The following CD200 variants were observed in gnomAD, a reference collection of about 807,000 sequenced individuals.
CD200 encodes the protein OX-2 membrane glycoprotein.
In CD200, 15 loss-of-function variants were observed where a neutral mutation model predicts 30.9. The observed-to-expected ratio is 0.49, with a 90% CI of 0.32 to 0.75. The LOEUF (loss-of-function observed/expected upper bound fraction) is 0.75, where lower values mean the gene tolerates loss of function less well. Among genes scored for constraint, CD200 ranks in the 30% least tolerant of loss-of-function variants. The pLI is 0.03. For missense variants in CD200, 262 were observed against 324.2 expected, an observed-to-expected ratio of 0.81 and a Z score of 1.47; for synonymous variants, 134 against 126.2, an observed-to-expected ratio of 1.06 and a Z score of -0.41.
chr3:112,333,266 C>T (rs751502070), intron 1 of CD200, 42 bp downstream of exon 1: 11 of 1,540,194 alleles, frequency 7.1e-6, no homozygotes, highest in African/African-American at 4.1e-5. Flanking sequence ...GCAGGGCAGG[C>T]GATGTTGAGC....
At chr3:112,358,697 C>T (rs2081676819) in intron 5 of CD200, among the ~76,000 whole-genome samples, 1 of 152,046 alleles carries the variant, frequency 6.6e-6, no homozygotes, top group Non-Finnish European at 1.5e-5. Flanking sequence ...AGATCCAAAG[C>T]TGCCCTAGGT....
intron 5 of CD200, chr3:112,350,105 A>T: frequency 3.1e-6 from 1 of 326,606 alleles, no homozygotes; most frequent in Non-Finnish European, 4.4e-6. Context: ...CACCCACACA[A>T]GGCCCTTTCC....
chr3:112,355,136 G>C (rs2081602067), intron 5 of CD200, among the ~76,000 whole-genome samples: 1 of 152,166 alleles, frequency 6.6e-6, no homozygotes, highest in Non-Finnish European at 1.5e-5. Context: ...AATGCTAAGA[G>C]GGTGTGGGAG....
chr3:112,351,886 C>T (rs915983137), intron 5 of CD200, among the ~76,000 whole-genome samples: 5 of 152,024 alleles, frequency 3.3e-5, no homozygotes, highest in South Asian at 4.1e-4. Flanking sequence ...GATCAGATGG[C>T]GAGACAGGAA....
chr3:112,347,629 C>T lies in CD200; in HGVS notation c.493C>T (p.Arg165Cys), dbSNP rs36015707. ...HLNITCSATA[R>C]PAPMVFWKVP... ...AAATATCACTTGCTCTGCCACTGCCCGCCCAGCCCCCATGGTCTTCTGGAA... is the reference window on the plus strand; with the variant it reads ...AAATATCACTTGCTCTGCCACTGCCTGCCCAGCCCCCATGGTCTTCTGGAA... The change falls in exon 4 of 6, where the codon CGC becomes TGC. Residue 165 changes from arginine to cysteine, a missense_variant. Transcript: ENST00000315711. 1.9e-6 allele frequency: 3 copies of T among 1,613,992 alleles called. No individual in the cohort carries two copies. The highest frequency in any genetic ancestry group is 1.6e-4 in the Middle Eastern group (1 of 6,062).
chr3:112,338,704 A>T (rs377616710), intron 1 of CD200, among the ~76,000 whole-genome samples: 1 of 152,234 alleles, frequency 6.6e-6, no homozygotes, highest in African/African-American at 2.4e-5. Context: ...TGAATTTAAC[A>T]TTGTTGCAGG....
At position 112,345,291 on chromosome 3, in the gene CD200, G is replaced by T. The variant is rs1453412394; in HGVS notation, c.421+3G>T. On this transcript the variant is annotated splice_donor_region_variant and intron_variant, in intron 3 of 5. Transcript: ENST00000315711. ...AACGGCCTGCCTCACCGTCTATGGT[G>T]AGAATCTCTGAGAATCATTGTCTGT... is the stretch of plus-strand genomic sequence containing the variant. 2 of 1,598,946 alleles carry T rather than the reference G, an allele frequency of 1.3e-6. No homozygotes were observed. Among genetic ancestry groups the T allele is most frequent in the African/African-American group, 2.7e-5 (2 of 74,568 alleles).
At chr3:112,345,554 T>A (rs2081366606) in intron 3 of CD200, among the ~76,000 whole-genome samples, 1 of 152,162 alleles carries the variant, frequency 6.6e-6, no homozygotes, top group African/African-American at 2.4e-5. Flanking sequence ...GGCAACAAGT[T>A]CTCCATAAGC....
chr3:112,341,550 T>C (rs1163610526), intron 2 of CD200, among the ~76,000 whole-genome samples: 1 of 152,214 alleles, frequency 6.6e-6, no homozygotes. Flanking sequence ...ACTTGCAGTG[T>C]GATGTTGCTC....
rs1347691493 is a variant in CD200 at position 112,342,325 on chromosome 3, C to T, written c.94+1342C>T. Reference sequence around the variant, plus strand: ...TCCTTCCTTTCTTCTTTCTTTCTTTCTTTCTTTCTTTCCTTCTTTCTTTCT... The same window carrying T: ...TCCTTCCTTTCTTCTTTCTTTCTTTTTTTCTTTCTTTCCTTCTTTCTTTCT... On this transcript the variant is annotated intron_variant, in intron 2 of 5. Transcript: ENST00000315711. 1.1e-3 allele frequency among the ~76,000 whole-genome samples: 28 copies of T among 26,068 alleles called. 2 individuals carry two copies. In the East Asian group the frequency reaches 0.02, roughly 18 times the overall value. 17.1% of individuals were successfully genotyped at this position (26,068 alleles called of 152,430 possible). A position where few individuals can be genotyped will look rare whatever the true frequency, so the allele number is the denominator to read the frequency against.
chr3:112,332,968 C>T, upstream of CD200: 1 of 585,028 alleles, frequency 1.7e-6, no homozygotes, highest in Middle Eastern at 4.6e-4. Flanking sequence ...CAGCGGTCAC[C>T]TTTGAAAAGG....
In CD200 at chr3:112,345,012, T is replaced by C. The variant is rs767818592; in HGVS notation, c.145T>C (p.Leu49=). Residue 49 remains leucine (L), a synonymous_variant, in exon 3 of 6, where the codon TTA becomes CTA. Coordinates refer to ENST00000315711, the MANE Select transcript of CD200 (RefSeq NM_005944.7). ...AGAGCAGCTGTACACACCTGCTTCC[T>C]TAAAATGCTCTCTGCAAAATGCCCA... ...EREQLYTPAS[L]KCSLQNAQEA... The C allele has an allele frequency of 5.0e-6, 8 of 1,614,018 alleles. No homozygotes were observed. Among genetic ancestry groups the C allele is most frequent in the Non-Finnish European group, 5.9e-6 (7 of 1,180,000 alleles).
chr3:112,340,378 T>C (rs2081211582), intron 1 of CD200, among the ~76,000 whole-genome samples: 1 of 152,196 alleles, frequency 6.6e-6, no homozygotes, highest in Non-Finnish European at 1.5e-5. Context: ...AGGAAAAAAT[T>C]AAAGCCAGTA....
intron 5 of CD200, among the ~76,000 whole-genome samples, chr3:112,355,636 C>T (rs764159083): frequency 3.4e-4 from 52 of 152,128 alleles, no homozygotes; most frequent in Non-Finnish European, 5.4e-4. Context: ...ATTTCTCAGT[C>T]CCTAATACTT....
chr3:112,345,473 T>G (rs2081364163), intron 3 of CD200, among the ~76,000 whole-genome samples, 185 bp downstream of exon 3: 1 of 152,184 alleles, frequency 6.6e-6, no homozygotes, highest in Admixed American at 6.5e-5. Context: ...TACACTGAGT[T>G]CTTTGGCTGG....
chr3:112,355,509 G>T (rs1007676505), intron 5 of CD200, among the ~76,000 whole-genome samples: 3 of 152,048 alleles, frequency 2.0e-5, no homozygotes, highest in South Asian at 4.1e-4. Flanking sequence ...GTAAACACAA[G>T]TTCACAGGGA....
chr3:112,352,566 A>T (rs62264129), intron 5 of CD200, among the ~76,000 whole-genome samples: 36,749 of 138,760 alleles, frequency 0.26, 4,759 homozygotes, highest in Non-Finnish European at 0.3. Context: ...AGAGAGAGAG[A>T]GTGTTTAGAG....
Position 112,348,599 on chromosome 3 carries a change from C to A in CD200, c.694+769C>A, listed in dbSNP as rs528083236. 7.2e-5 allele frequency among the ~76,000 whole-genome samples: 11 copies of A among 152,274 alleles called. No homozygotes were observed. In the East Asian group the frequency reaches 2.1e-3, roughly 29 times the overall value. ...TCTGTGTAGTTTTGAAGCACTGACTCTTGATGAAGCAGTCAGTAATAAGCC... is the reference window on the plus strand; with the variant it reads ...TCTGTGTAGTTTTGAAGCACTGACTATTGATGAAGCAGTCAGTAATAAGCC... On this transcript the variant is annotated intron_variant, in intron 4 of 5. Transcript: ENST00000315711.
intron 5 of CD200, among the ~76,000 whole-genome samples, chr3:112,354,537 C>G (rs553839052): frequency 1.6e-4 from 24 of 152,296 alleles, no homozygotes; most frequent in African/African-American, 5.8e-4. Context: ...AAGGCCCTAG[C>G]CTCTACTAAC....
Sources: gnomAD v4.1 joint callset for allele counts (sites outside exome capture counted in the v4.1 genomes callset) on GRCh38, gnomAD v4.1.1 for gene constraint, MANE v1.5 for transcripts, NCBI Gene and HGNC (gene_info 2026-07-23, HGNC 2026-07-21) for gene names.